The following HEXB variants were observed in gnomAD, a reference collection of about 807,000 sequenced individuals.
HEXB encodes the protein beta-hexosaminidase subunit beta.
In HEXB, 51 loss-of-function variants were observed where a neutral mutation model predicts 71.2. That is an observed-to-expected ratio of 0.72 (90% CI 0.57 to 0.90). The LOEUF is 0.90. Among genes scored for constraint, HEXB ranks in the 40% least tolerant of loss-of-function variants. The pLI is 0.00. For missense variants in HEXB, 617 were observed against 677.0 expected, an observed-to-expected ratio of 0.91 and a Z score of 0.98; for synonymous variants, 266 against 249.3, an observed-to-expected ratio of 1.07 and a Z score of -0.63.
At chr5:74,644,510 A>AAG (rs1747964684) in intron 1 of HEXB, among the ~76,000 whole-genome samples, 1 of 152,068 alleles carries the variant, frequency 6.6e-6, no homozygotes, top group Non-Finnish European at 1.5e-5. Context: ...TATTTTTAAA[A>AAG]AGAGAGAGAG....
upstream of HEXB, among the ~76,000 whole-genome samples, chr5:74,683,425 A>G (rs955384305): frequency 1.3e-5 from 2 of 151,686 alleles, no homozygotes; most frequent in African/African-American, 4.9e-5. Flanking sequence ...TGCCTCAGCC[A>G]CCCAAGTAGC....
intron 4 of HEXB, 69 bp from the exon 5 acceptor site, chr5:74,696,927 A>G (rs1023809920): frequency 1.2e-6 from 1 of 858,462 alleles, no homozygotes. Flanking sequence ...GTATAAATAG[A>G]TTTAGTCTTC....
At chr5:74,661,513 CTGTGTGTGTGTGTGTGTG>C (rs1179218651) in intron 1 of HEXB, among the ~76,000 whole-genome samples, 1,822 of 84,978 alleles carry the variant, frequency 0.021, 49 homozygotes, top group South Asian at 0.11. Flanking sequence ...TTCTCTCTCT[CTGTGTGTGTGTGTGTGTG>C]TGTGTGTGTG....
chr5:74,676,671 CA>C (rs1561210281), intron 1 of HEXB, among the ~76,000 whole-genome samples: 2 of 151,854 alleles, frequency 1.3e-5, no homozygotes, highest in Non-Finnish European at 2.9e-5. Context: ...GAGGCTGAGG[CA>C]GGGGTAGTGC....
chr5:74,680,008 T>C (rs1306558513), intron 1 of HEXB, among the ~76,000 whole-genome samples: 7 of 152,086 alleles, frequency 4.6e-5, no homozygotes, highest in Admixed American at 4.6e-4. Flanking sequence ...TGACAAACCC[T>C]CTCAAACAAT....
chr5:74,642,919 T>C (rs1443265097), intron 1 of HEXB, among the ~76,000 whole-genome samples: 5 of 152,078 alleles, frequency 3.3e-5, no homozygotes, highest in Admixed American at 3.3e-4. Context: ...TATGCTTCAA[T>C]AGAAGAAAGG....
chr5:74,676,627 G>A (rs545053453), intron 1 of HEXB, among the ~76,000 whole-genome samples: 1 of 152,200 alleles, frequency 6.6e-6, no homozygotes, highest in East Asian at 2.0e-4. Flanking sequence ...TTAGCTGGGC[G>A]TGGTGGCACA....
intron 7 of HEXB, among the ~76,000 whole-genome samples, chr5:74,714,600 G>T (rs1308869734): frequency 6.6e-6 from 1 of 152,172 alleles, no homozygotes; most frequent in Non-Finnish European, 1.5e-5. Flanking sequence ...AGACAGCTTG[G>T]GTTTGAATCT....
chr5:74,704,177 T>G (rs894997842), intron 5 of HEXB, among the ~76,000 whole-genome samples: 1 of 152,220 alleles, frequency 6.6e-6, no homozygotes, highest in African/African-American at 2.4e-5. Context: ...TAAGCTCAAT[T>G]CCAGTTAACA....
intron 1 of HEXB, among the ~76,000 whole-genome samples, chr5:74,668,175 C>T (rs1414671674): frequency 2.0e-5 from 3 of 151,788 alleles, no homozygotes; most frequent in Admixed American, 2.0e-4. Flanking sequence ...CAGCCATACG[C>T]CTCTTCCAGC....
At chr5:74,697,826 G>A (rs184686156) in intron 5 of HEXB, among the ~76,000 whole-genome samples, 56 of 151,690 alleles carry the variant, frequency 3.7e-4, no homozygotes, top group Non-Finnish European at 6.3e-4. Context: ...TTTGTAAGTG[G>A]CATTAGAAAG....
intron 1 of HEXB, among the ~76,000 whole-genome samples, chr5:74,653,601 T>C (rs1251745798): frequency 6.6e-6 from 1 of 152,142 alleles, no homozygotes; most frequent in Admixed American, 6.5e-5. Flanking sequence ...CAATATAGAT[T>C]TACAGTTTGC....
At chr5:74,697,244 A>G (rs1749133920) in intron 5 of HEXB, 138 bp downstream of exon 5, 1 of 658,008 alleles carries the variant, frequency 1.5e-6, no homozygotes, top group South Asian at 1.7e-5. Context: ...CTCAGTTCCT[A>G]GGGAAGTGTA....
chr5:74,720,794 G>GTGTT (rs751681274), intron 13 of HEXB, 47 bp downstream of exon 13: 56 of 1,411,730 alleles, frequency 4.0e-5, no homozygotes, highest in South Asian at 1.2e-5. Flanking sequence ...TTCTTATTCA[G>GTGTT]TGTTAGTTTC....
At chr5:74,676,546 C>T (rs1394384211) in intron 1 of HEXB, among the ~76,000 whole-genome samples, 2 of 152,112 alleles carry the variant, frequency 1.3e-5, no homozygotes, top group East Asian at 1.9e-4. Flanking sequence ...GTGGGTGGAT[C>T]GCTTCAGCCA....
At chr5:74,715,776 G>A (rs1319357270) in intron 8 of HEXB, 86 bp downstream of exon 8, 3 of 945,202 alleles carry the variant, frequency 3.2e-6, no homozygotes, top group Non-Finnish European at 5.1e-6. Flanking sequence ...CAGCACTTTG[G>A]GAGGCAGAGG....
upstream of HEXB, among the ~76,000 whole-genome samples, chr5:74,682,964 G>A (rs1403563341): frequency 6.6e-6 from 1 of 152,202 alleles, no homozygotes; most frequent in African/African-American, 2.4e-5. Context: ...AAAGACCCAG[G>A]AAAAGCTGCC....
At position 74,663,982 on chromosome 5, in the gene HEXB, G is replaced by A. The variant is rs184101252; in HGVS notation, c.-377+23424G>A. Among the ~76,000 whole-genome samples, 470 of 152,066 alleles carry A rather than the reference G, an allele frequency of 3.1e-3. 1 individual carries two copies. In the Middle Eastern group the frequency reaches 0.051, roughly 17 times the overall value. ...ATCTACAAAAAACTTTAGGCCAGGC[G>A]TGGTGGCACACGCCTCTAATCCCAG... On this transcript the variant is annotated intron_variant, in intron 1 of 13. Coordinates refer to the HEXB transcript ENST00000511181.
chr5:74,702,022 G>A (rs2112150763), intron 5 of HEXB, among the ~76,000 whole-genome samples: 1 of 142,014 alleles, frequency 7.0e-6, no homozygotes, highest in East Asian at 2.1e-4. Context: ...TTACTTGTAT[G>A]TCTCTTTGGC....
Sources: allele counts gnomAD v4.1 joint callset (sites outside exome capture counted in the v4.1 genomes callset), GRCh38; gene constraint gnomAD v4.1.1; transcripts MANE v1.5; gene names NCBI Gene and HGNC (gene_info 2026-07-23, HGNC 2026-07-21).